Variants in PCDHGB4 observed in about 807,000 individuals in gnomAD.
The protein encoded by PCDHGB4 is protocadherin gamma-B4.
A neutral mutation model predicts 60.5 loss-of-function variants in PCDHGB4; 38 were observed. The ratio of observed to expected loss-of-function variants is 0.63; its 90% confidence interval spans 0.48 to 0.82. The LOEUF is 0.82. Among genes scored for constraint, PCDHGB4 ranks in the 40% least tolerant of loss-of-function variants. The probability of loss-of-function intolerance (pLI) is 0.00; values close to 1 mark genes in which losing one functional copy is unlikely to be tolerated. For synonymous variants in PCDHGB4, 456 were observed against 509.7 expected, an observed-to-expected ratio of 0.89 and a Z score of 1.42; for missense variants, 1,109 against 1,209.6, an observed-to-expected ratio of 0.92 and a Z score of 1.23.
At chr5:141,413,070 T>G (rs990993849) in intron 1 of PCDHGB4, 1 of 1,195,014 alleles carries the variant, frequency 8.4e-7, no homozygotes, top group African/African-American at 1.5e-5. Context: ...GAATTTAAAG[T>G]GCCCAGGCTA....
intron 1 of PCDHGB4, chr5:141,414,168 T>C: frequency 6.2e-7 from 1 of 1,605,598 alleles, no homozygotes; most frequent in Non-Finnish European, 8.5e-7. Context: ...GAGGAGCATA[T>C]CTTGCAACTG....
At position 141,431,555 on chromosome 5, in the gene PCDHGB4, G is replaced by A. The variant is rs2097394199; in HGVS notation, c.2397+41274G>A. On this transcript the variant is annotated intron_variant, in intron 1 of 3. Transcript: ENST00000519479. This position sits in a 1 kb window ranked among gnomAD's most constrained non-coding sequence, Gnocchi z 4.8. The stretch of plus-strand genomic sequence containing the variant: ...GGGCACGCAGCTGCTTGTAGTCAAC[G>A]CTACCGACCCTGACGAAGGAGTCAA... 1 of 1,614,014 alleles carries A rather than the reference G, an allele frequency of 6.2e-7. No individual in the cohort carries two copies. The highest frequency in any genetic ancestry group is 8.5e-7 in the Non-Finnish European group (1 of 1,180,032).
chr5:141,511,267 C>A lies in PCDHGB4; in HGVS notation c.*94C>A, dbSNP rs1223074819. The A allele has an allele frequency of 6.5e-7, 1 of 1,549,404 alleles. No individual in the cohort carries two copies. Among genetic ancestry groups the A allele is most frequent in the Non-Finnish European group, 8.7e-7 (1 of 1,146,836 alleles). Reference sequence around the variant, plus strand: ...CCAGGCCTCAGAGTTTCAGGGCTAACCCCCAGAATACTGGTAGGGGCCAAG... The same window carrying A: ...CCAGGCCTCAGAGTTTCAGGGCTAAACCCCAGAATACTGGTAGGGGCCAAG... On this transcript the variant is annotated 3_prime_UTR_variant, in exon 4 of 4. Coordinates refer to ENST00000519479, the MANE Select transcript of PCDHGB4 (RefSeq NM_003736.4).
intron 1 of PCDHGB4, chr5:141,409,515 T>C (rs1273041163): frequency 5.0e-6 from 8 of 1,613,844 alleles, no homozygotes; most frequent in Non-Finnish European, 6.8e-6. Context: ...AGTAGAAGCA[T>C]CACCTTGTAT....
intron 1 of PCDHGB4, chr5:141,395,486 A>G: frequency 2.0e-6 from 1 of 510,062 alleles, no homozygotes; most frequent in Non-Finnish European, 3.4e-6. Flanking sequence ...TATTCCTATT[A>G]TCACTCATTC....
chr5:141,418,273 A>G (rs1440274831), intron 1 of PCDHGB4: 2 of 1,614,082 alleles, frequency 1.2e-6, no homozygotes, highest in Non-Finnish European at 8.5e-7. Flanking sequence ...AAGATGAAAT[A>G]AACTTAGAAA....
chr5:141,409,341 G>C, intron 1 of PCDHGB4: 1 of 1,613,976 alleles, frequency 6.2e-7, no homozygotes, highest in Non-Finnish European at 8.5e-7. Flanking sequence ...GGAGGAAATG[G>C]AGAAGTCAGG....
At chr5:141,405,567 G>A in intron 1 of PCDHGB4, 2 of 608,222 alleles carry the variant, frequency 3.3e-6, no homozygotes, top group Non-Finnish European at 5.8e-6. Context: ...TGGGACTAGA[G>A]TAGAGTAGCT....
Position 141,432,668 on chromosome 5 carries a change from G to C in PCDHGB4, c.2397+42387G>C, listed in dbSNP as rs1202414814. 2.5e-6 allele frequency: 4 copies of C among 1,613,742 alleles called. No individual in the cohort carries two copies. The highest frequency in any genetic ancestry group is 2.2e-5 in the South Asian group (2 of 91,068). On this transcript the variant is annotated intron_variant, in intron 1 of 3. Coordinates refer to ENST00000519479, the MANE Select transcript of PCDHGB4 (RefSeq NM_003736.4). This position sits in a 1 kb window ranked among gnomAD's most constrained non-coding sequence, Gnocchi z 6.0. The stretch of plus-strand genomic sequence containing the variant: ...GGCGCGAGCCCTGCTGGACAGAGAC[G>C]CGCTCAAGCAGAGCCTCGTAGTGGC...
At position 141,389,814 on chromosome 5, in the gene PCDHGB4, G is replaced by T; in HGVS notation, c.1930G>T (p.Val644Leu). The change falls in exon 1 of 4, where the codon GTG (valine) becomes TTG (leucine). Residue 644 changes from valine (V) to leucine (L), a missense_variant. Coordinates refer to ENST00000519479, the MANE Select transcript of PCDHGB4 (RefSeq NM_003736.4). ...CGTCCGCCAGCGCCTTCTGGTCGCC[G>T]TGCGTGACGGTGGACAGCCACCACT... ...DAVRQRLLVA[V>L]RDGGQPPLSA... The T allele has an allele frequency of 1.9e-6, 3 of 1,613,868 alleles. No homozygotes were observed. Among genetic ancestry groups the T allele is most frequent in the Non-Finnish European group, 2.5e-6 (3 of 1,179,882 alleles).
At chr5:141,456,224 A>ACT (rs1167290500) in intron 1 of PCDHGB4, among the ~76,000 whole-genome samples, 1 of 152,034 alleles carries the variant, frequency 6.6e-6, no homozygotes, top group Non-Finnish European at 1.5e-5. Context: ...GCGATATCAA[A>ACT]CTAACTGCTG....
At chr5:141,398,254 A>C (rs868152545) in intron 1 of PCDHGB4, 1 of 1,465,852 alleles carries the variant, frequency 6.8e-7, no homozygotes, top group East Asian at 2.5e-5. Context: ...GGAAATGCCC[A>C]AGGGCTCCGT....
chr5:141,435,838 C>T (rs1037110579), intron 1 of PCDHGB4, among the ~76,000 whole-genome samples: 1 of 152,062 alleles, frequency 6.6e-6, no homozygotes, highest in Non-Finnish European at 1.5e-5. Context: ...TGCCTATCTA[C>T]TTTGAAAGAT....
chr5:141,394,433 G>A lies in PCDHGB4; in HGVS notation c.2397+4152G>A, dbSNP rs1180818373. ...TAACAGCCAGCGACAGCGGGGACCC[G>A]CCCCTCAGCAGCAACATGTCACTGA... On this transcript the variant is annotated intron_variant, in intron 1 of 3. Coordinates refer to ENST00000519479, the MANE Select transcript of PCDHGB4 (RefSeq NM_003736.4). 3.7e-6 allele frequency: 6 copies of A among 1,614,088 alleles called. No homozygotes were observed. The East Asian group carries it at 8.9e-5, about 24-fold the overall frequency.
At chr5:141,416,014 A>G (rs1258459397) in intron 1 of PCDHGB4, 1 of 228,504 alleles carries the variant, frequency 4.4e-6, no homozygotes, top group African/African-American at 2.3e-5. Flanking sequence ...AAGAATAGGT[A>G]AGTATCAGAA....
At chr5:141,421,009 T>C (rs948913987) in intron 1 of PCDHGB4, 1 of 515,496 alleles carries the variant, frequency 1.9e-6, no homozygotes, top group East Asian at 3.2e-5. Flanking sequence ...AATCAGGGAA[T>C]GGGAAGCTGC....
intron 1 of PCDHGB4, among the ~76,000 whole-genome samples, chr5:141,465,502 G>T (rs948827391): frequency 6.6e-6 from 1 of 152,152 alleles, no homozygotes; most frequent in Non-Finnish European, 1.5e-5. Flanking sequence ...GAGCATTGTC[G>T]TGGTCAGGAA....
intron 1 of PCDHGB4, chr5:141,419,045 T>G (rs1473408777): frequency 6.2e-7 from 1 of 1,613,710 alleles, no homozygotes; most frequent in Non-Finnish European, 8.5e-7. Context: ...TAAGATTCAT[T>G]CTTCTTCTAA....
chr5:141,449,484 A>G (rs1003440539), intron 1 of PCDHGB4, among the ~76,000 whole-genome samples: 2 of 150,848 alleles, frequency 1.3e-5, no homozygotes, highest in Non-Finnish European at 3.0e-5. Context: ...CCCCATGCCT[A>G]AGGGTGAGGC....
Sources: allele counts gnomAD v4.1 joint callset (sites outside exome capture counted in the v4.1 genomes callset), GRCh38; gene constraint gnomAD v4.1.1; non-coding constraint Gnocchi (gnomAD v3.1); transcripts MANE v1.5; gene names NCBI Gene and HGNC (gene_info 2026-07-23, HGNC 2026-07-21).